DNAH5: variants seen among roughly 807,000 people sequenced by gnomAD.
DNAH5 encodes the protein axonemal beta dynein heavy chain 5.
DNAH5 carries 372 observed loss-of-function variants against 518.2 expected under a neutral mutation model. The observed-to-expected ratio is 0.72, with a 90% confidence interval of 0.66 to 0.78. The LOEUF (loss-of-function observed/expected upper bound fraction) is 0.78. DNAH5 is among the 30% of genes least tolerant of loss of function. The pLI, the probability that DNAH5 is intolerant of heterozygous loss-of-function variation, is 0.00. For synonymous variants in DNAH5, 2,039 were observed against 2,025.9 expected (o/e 1.01, Z -0.17); for missense variants, 5,523 against 5,687.0 (o/e 0.97, Z 0.93).
At chr5:13,839,128 C>T (rs903959919) in intron 35 of DNAH5, among the ~76,000 whole-genome samples, 2 of 152,168 alleles carry the variant, frequency 1.3e-5, no homozygotes, top group African/African-American at 4.8e-5. Flanking sequence ...ACAGTGTTTA[C>T]ACATTTAAAC....
intron 35 of DNAH5, among the ~76,000 whole-genome samples, chr5:13,831,077 A>T (rs1054104138): frequency 2.0e-5 from 3 of 152,240 alleles, no homozygotes; most frequent in African/African-American, 7.2e-5. Flanking sequence ...ATCTCCAGGT[A>T]TAAAAATAAT....
At chr5:13,713,006 T>C (rs1219330828) in intron 75 of DNAH5, among the ~76,000 whole-genome samples, 2 of 151,746 alleles carry the variant, frequency 1.3e-5, no homozygotes, top group Non-Finnish European at 2.9e-5. Flanking sequence ...ACAAAAAAGA[T>C]ACTTGCACAT....
chr5:13,692,109 AG>A lies in DNAH5; in HGVS notation c.13749del (p.Cys4584ValfsTer12). 6.2e-7 allele frequency: 1 copy of A among 1,614,090 alleles called. No homozygotes were observed. The highest frequency in any genetic ancestry group is 8.5e-7 in the Non-Finnish European group (1 of 1,179,980). On this transcript the variant is annotated frameshift_variant, in exon 79 of 79. Coordinates refer to ENST00000265104, the MANE Select transcript of DNAH5 (RefSeq NM_001369.3). LOFTEE classifies it high-confidence loss of function. Reference sequence around the variant, plus strand: ...CGAACTGGCTTCTTATAGATGGGACAGGAGTAAAACCGAGGATCTCGTAAAG... The same window carrying A: ...CGAACTGGCTTCTTATAGATGGGACAGAGTAAAACCGAGGATCTCGTAAAG... ...NNTLRDPRFYSCPIYKKPVRT... is the reference protein window; with the variant it reads ...NNTLRDPRFYXCPIYKKPVRT...
intron 1 of DNAH5, among the ~76,000 whole-genome samples, chr5:13,976,238 T>A (rs2152061934): frequency 6.6e-6 from 1 of 152,336 alleles, no homozygotes; most frequent in South Asian, 2.1e-4. Flanking sequence ...GATACAGTAG[T>A]TCCCCCTTAT....
At chr5:13,750,624 A>G (rs148749795) in intron 65 of DNAH5, among the ~76,000 whole-genome samples, 15 of 152,340 alleles carry the variant, frequency 9.8e-5, no homozygotes, top group South Asian at 6.2e-4. Flanking sequence ...AGAACTGACA[A>G]TGTTGTTTGT....
At chr5:13,916,140 TA>T (rs1296644631) in intron 9 of DNAH5, among the ~76,000 whole-genome samples, 1 of 151,774 alleles carries the variant, frequency 6.6e-6, no homozygotes, top group East Asian at 1.9e-4. Flanking sequence ...TTTATTATAA[TA>T]ATTACTTTGG....
intron 1 of DNAH5, among the ~76,000 whole-genome samples, chr5:13,978,682 G>A (rs1182563416): frequency 6.6e-6 from 1 of 152,178 alleles, no homozygotes; most frequent in Non-Finnish European, 1.5e-5. Context: ...AGTACAGTAA[G>A]CTGCTGTTCA....
At chr5:13,705,920 A>T (rs1742722019) in intron 76 of DNAH5, among the ~76,000 whole-genome samples, 1 of 152,210 alleles carries the variant, frequency 6.6e-6, no homozygotes, top group Non-Finnish European at 1.5e-5. Flanking sequence ...TGAAGCAAAG[A>T]AGGATGCTCT....
chr5:13,941,372 A>T (rs560837177), intron 1 of DNAH5, among the ~76,000 whole-genome samples: 6 of 152,140 alleles, frequency 3.9e-5, no homozygotes, highest in Non-Finnish European at 5.9e-5. Flanking sequence ...TGGAAAAAAA[A>T]TTTTTAAATA....
chr5:13,884,678 A>G (rs1772136865), intron 19 of DNAH5, among the ~76,000 whole-genome samples: 1 of 152,216 alleles, frequency 6.6e-6, no homozygotes, highest in Non-Finnish European at 1.5e-5. Flanking sequence ...CTCTACTAAA[A>G]TACAAAAAAT....
intron 78 of DNAH5, among the ~76,000 whole-genome samples, chr5:13,692,834 T>C (rs1192907645): frequency 6.6e-6 from 1 of 152,176 alleles, no homozygotes; most frequent in Non-Finnish European, 1.5e-5. Flanking sequence ...TCCACCCACA[T>C]GCTCCCTTTC....
intron 67 of DNAH5, 85 bp from the exon 68 acceptor site, chr5:13,735,406 G>A (rs1344311202): frequency 1.5e-6 from 2 of 1,331,224 alleles, no homozygotes; most frequent in South Asian, 1.3e-5. Flanking sequence ...TGGAAAATAA[G>A]TAACTTTGGA....
chr5:13,720,866 A>C, intron 71 of DNAH5, 134 bp downstream of exon 71: 1 of 1,304,278 alleles, frequency 7.7e-7, no homozygotes, highest in Non-Finnish European at 1.0e-6. Flanking sequence ...AAATTTAAAA[A>C]AAAAACGCTG....
chr5:13,816,562 AAAC>A (rs199675386), intron 42 of DNAH5, among the ~76,000 whole-genome samples: 32,635 of 147,226 alleles, frequency 0.22, 3,858 homozygotes, highest in East Asian at 0.5. Flanking sequence ...GGGAAAAAAA[AAAC>A]AAAAAAACCT....
chr5:13,720,040 G>T (rs370611025), intron 71 of DNAH5, among the ~76,000 whole-genome samples: 1 of 150,004 alleles, frequency 6.7e-6, no homozygotes, highest in South Asian at 2.1e-4. Flanking sequence ...TAATCTTGAG[G>T]TGTTTTTCTA....
intron 75 of DNAH5, among the ~76,000 whole-genome samples, chr5:13,713,245 A>C (rs1675332382): frequency 6.8e-6 from 1 of 147,072 alleles, no homozygotes; most frequent in Non-Finnish European, 1.5e-5. Flanking sequence ...ATATACCAAC[A>C]TATATATATA....
intron 30 of DNAH5, among the ~76,000 whole-genome samples, chr5:13,852,602 C>T (rs976335847): frequency 6.6e-6 from 1 of 152,214 alleles, no homozygotes; most frequent in Non-Finnish European, 1.5e-5. Context: ...CAGAACCCAG[C>T]AAGCTAAGAT....
chr5:13,722,052 A>G (rs1745125892), intron 70 of DNAH5, among the ~76,000 whole-genome samples: 1 of 152,150 alleles, frequency 6.6e-6, no homozygotes, highest in African/African-American at 2.4e-5. Context: ...GTAAAACCCA[A>G]GTTTCTCTCC....
chr5:13,941,009 T>C (rs937028713), intron 1 of DNAH5, among the ~76,000 whole-genome samples: 1 of 152,194 alleles, frequency 6.6e-6, no homozygotes, highest in African/African-American at 2.4e-5. Flanking sequence ...ATGATAATGA[T>C]GGGGCATCTT....
Sources: allele counts gnomAD v4.1 joint callset (sites outside exome capture counted in the v4.1 genomes callset), GRCh38; gene constraint gnomAD v4.1.1; transcripts MANE v1.5; gene names NCBI Gene and HGNC (gene_info 2026-07-23, HGNC 2026-07-21).